Variants in PARD3B observed in about 807,000 individuals in gnomAD.
PARD3B encodes par-3 family cell polarity regulator beta, also known as partitioning defective 3 homolog B.
Under a neutral mutation model 130.2 loss-of-function variants are expected in PARD3B, and 103 were observed. That is an observed-to-expected ratio of 0.79 (90% CI 0.67 to 0.93). The LOEUF is 0.93. Among genes scored for constraint, PARD3B ranks in the 40% least tolerant of loss-of-function variants. The pLI is 0.00. For missense variants in PARD3B, 1,609 were observed against 1,499.2 expected (o/e 1.07, Z -1.21); for synonymous variants, 583 against 553.2 (o/e 1.05, Z -0.76).
At chr2:205,192,842 C>A (rs11890486) in intron 14 of PARD3B, among the ~76,000 whole-genome samples, 1 of 152,112 alleles carries the variant, frequency 6.6e-6, no homozygotes, top group Non-Finnish European at 1.5e-5. Context: ...AATCCCTTAA[C>A]CTGCTTTTGG....
chr2:204,725,683 A>T (rs2039192475), intron 2 of PARD3B, among the ~76,000 whole-genome samples: 1 of 152,160 alleles, frequency 6.6e-6, no homozygotes, highest in African/African-American at 2.4e-5. Context: ...GAGGCTTTGG[A>T]ATATGTGCAC....
At chr2:204,712,903 G>T (rs1411088744) in intron 2 of PARD3B, among the ~76,000 whole-genome samples, 2 of 152,014 alleles carry the variant, frequency 1.3e-5, no homozygotes, top group African/African-American at 4.8e-5. Context: ...ATAATGAATT[G>T]TCGAGTTTTA....
chr2:204,766,965 C>CTTTTTTTTTTTTTTTTTT (rs68009060), intron 2 of PARD3B, among the ~76,000 whole-genome samples: 3 of 114,484 alleles, frequency 2.6e-5, no homozygotes, highest in Non-Finnish European at 3.5e-5. Flanking sequence ...TTTTCTTTTT[C>CTTTTTTTTTTTTTTTTTT]TTTTTTTTTT....
In PARD3B at chr2:205,142,996, G is replaced by C. The variant is rs1285854420; in HGVS notation, c.1435-15726G>C. On this transcript the variant is annotated intron_variant, in intron 10 of 22. Transcript: ENST00000406610. The surrounding 1 kb of genome is among the most constrained non-coding windows in gnomAD (Gnocchi z 4.3). ...ATAAGTGAAATGGGAGCTGCGAGAA[G>C]GGCATATTGTTCCTGTGCTGATAAG... Among the ~76,000 whole-genome samples the C allele has an allele frequency of 6.6e-6, 1 of 152,162 alleles. No homozygotes were observed. Among genetic ancestry groups the C allele is most frequent in the Non-Finnish European group, 1.5e-5 (1 of 68,034 alleles).
intron 2 of PARD3B, among the ~76,000 whole-genome samples, chr2:204,923,161 G>A (rs931017361): frequency 3.3e-5 from 5 of 152,042 alleles, no homozygotes; most frequent in Non-Finnish European, 7.4e-5. Flanking sequence ...CAAGTGCTGA[G>A]ACGAGAAAGT....
intron 20 of PARD3B, among the ~76,000 whole-genome samples, chr2:205,489,484 C>CAT (rs1176593789): frequency 3.4e-3 from 319 of 93,250 alleles, no homozygotes; most frequent in African/African-American, 0.012. Context: ...TCTAAATATA[C>CAT]ATATATATGT....
intron 2 of PARD3B, among the ~76,000 whole-genome samples, chr2:204,935,551 A>G (rs1688386158): frequency 6.6e-6 from 1 of 151,536 alleles, no homozygotes; most frequent in East Asian, 1.9e-4. Context: ...AAACAAATAA[A>G]AAAGAATGTA....
At chr2:205,290,366 G>C (rs2041562529) in intron 16 of PARD3B, among the ~76,000 whole-genome samples, 1 of 152,132 alleles carries the variant, frequency 6.6e-6, no homozygotes, top group Non-Finnish European at 1.5e-5. Context: ...AAAGAAAATG[G>C]GAGGAATTTC....
intron 13 of PARD3B, among the ~76,000 whole-genome samples, chr2:205,180,574 CA>C (rs774559180): frequency 1.3e-4 from 19 of 150,628 alleles, no homozygotes; most frequent in Non-Finnish European, 2.4e-4. Flanking sequence ...CTGTTACAGC[CA>C]AAACATTGGC....
chr2:205,255,394 A>G (rs2040038767), intron 16 of PARD3B, among the ~76,000 whole-genome samples: 2 of 152,122 alleles, frequency 1.3e-5, no homozygotes, highest in Non-Finnish European at 2.9e-5. Flanking sequence ...GGTCACCAAA[A>G]TGTGTATGGT....
rs1575755699 is a variant in PARD3B at position 205,091,209 on chromosome 2, A to AG, written c.505-13216dup. On this transcript the variant is annotated intron_variant, in intron 4 of 22. Transcript: ENST00000406610. The surrounding 1 kb of genome is among the most constrained non-coding windows in gnomAD (Gnocchi z 4.2). ...TAGCCAACAAATGGAATAGAAGTTA[A>AG]GAACATAAGACCTTTAGTACTTATG... 4.6e-5 allele frequency among the ~76,000 whole-genome samples: 7 copies of AG among 152,344 alleles called. No homozygotes were observed. In the East Asian group the frequency reaches 1.3e-3, roughly 29 times the overall value.
chr2:204,812,620 C>T lies in PARD3B; in HGVS notation c.222+126338C>T, dbSNP rs114336476. Reference sequence around the variant, plus strand: ...AGGGGCCGCATGCTCACTGTGTTGACCGAAGTTGTATACATGATCATTTGA... The same window carrying T: ...AGGGGCCGCATGCTCACTGTGTTGATCGAAGTTGTATACATGATCATTTGA... On this transcript the variant is annotated intron_variant, in intron 2 of 22. Transcript: ENST00000406610. 3.9e-3 allele frequency among the ~76,000 whole-genome samples: 587 copies of T among 152,212 alleles called. 5 individuals are homozygous for T. Among genetic ancestry groups the T allele is most frequent in the African/African-American group, 0.013 (545 of 41,528 alleles).
intron 19 of PARD3B, among the ~76,000 whole-genome samples, chr2:205,432,358 T>C (rs2047367321): frequency 6.6e-6 from 1 of 152,198 alleles, no homozygotes; most frequent in Non-Finnish European, 1.5e-5. Context: ...ATTACTTCAC[T>C]GCTCGCAACC....
intron 7 of PARD3B, among the ~76,000 whole-genome samples, chr2:205,120,154 T>C (rs979806003): frequency 3.9e-5 from 6 of 152,190 alleles, no homozygotes; most frequent in Non-Finnish European, 2.9e-5. Context: ...TGTGTTAAAA[T>C]AATGAATGAT....
chr2:204,762,114 CTA>C (rs2040927175), intron 2 of PARD3B, among the ~76,000 whole-genome samples: 5 of 121,682 alleles, frequency 4.1e-5, no homozygotes, highest in African/African-American at 1.6e-4. Flanking sequence ...CCTTCTTTTT[CTA>C]TTTTTTTTTT....
chr2:205,087,442 C>A (rs1296632194), intron 4 of PARD3B, among the ~76,000 whole-genome samples: 1 of 152,154 alleles, frequency 6.6e-6, no homozygotes, highest in East Asian at 1.9e-4. Context: ...ACCCTCAAAG[C>A]CCCTTAGCTT....
At chr2:204,762,116 A>ATTTTTTTTTTTT (rs968166780) in intron 2 of PARD3B, among the ~76,000 whole-genome samples, 5 of 95,376 alleles carry the variant, frequency 5.2e-5, no homozygotes, top group Non-Finnish European at 6.2e-5. Flanking sequence ...TTCTTTTTCT[A>ATTTTTTTTTTTT]TTTTTTTTTT....
intron 3 of PARD3B, among the ~76,000 whole-genome samples, chr2:205,037,050 A>T (rs1215781206): frequency 2.0e-5 from 3 of 149,754 alleles, no homozygotes; most frequent in African/African-American, 7.3e-5. Context: ...ACATAAAACA[A>T]ATATACATAT....
chr2:205,384,141 T>A (rs1409470099), intron 18 of PARD3B, among the ~76,000 whole-genome samples: 1 of 152,114 alleles, frequency 6.6e-6, no homozygotes, highest in African/African-American at 2.4e-5. Context: ...CCCTTAATTA[T>A]TTTTGGTAAG....
Sources: gnomAD v4.1 joint callset for allele counts (sites outside exome capture counted in the v4.1 genomes callset) on GRCh38, gnomAD v4.1.1 for gene constraint, Gnocchi (gnomAD v3.1) non-coding constraint, MANE v1.5 for transcripts, NCBI Gene and HGNC (gene_info 2026-07-23, HGNC 2026-07-21) for gene names.